The following PDGFRL variants were observed in gnomAD, a reference collection of about 807,000 sequenced individuals.
PDGFRL encodes the protein platelet derived growth factor receptor like.
Under a neutral mutation model 37.2 loss-of-function variants are expected in PDGFRL, and 46 were observed. The observed-to-expected ratio is 1.24, with a 90% confidence interval of 0.98 to 1.58. PDGFRL has a LOEUF of 1.58. Ranked by LOEUF, PDGFRL falls within the 40% of genes most tolerant of loss-of-function variation. The pLI, the probability that PDGFRL is intolerant of heterozygous loss-of-function variation, is 0.00. For missense variants in PDGFRL, 692 were observed against 467.6 expected, an observed-to-expected ratio of 1.48 and a Z score of -4.43; for synonymous variants, 251 against 184.3, an observed-to-expected ratio of 1.36 and a Z score of -2.93.
At chr8:17,606,615 C>G (rs1804282989) in intron 2 of PDGFRL, among the ~76,000 whole-genome samples, 1 of 152,148 alleles carries the variant, frequency 6.6e-6, no homozygotes, top group South Asian at 2.1e-4. Context: ...TGGGTGGAGG[C>G]TGCAGGATAC....
chr8:17,576,825 G>A, upstream of PDGFRL: 1 of 396,800 alleles, frequency 2.5e-6, no homozygotes, highest in Non-Finnish European at 3.5e-6. Flanking sequence ...TTTTTACAGA[G>A]CACTCAGGTT....
chr8:17,623,545 A>G (rs116332233), intron 3 of PDGFRL, among the ~76,000 whole-genome samples: 1 of 152,124 alleles, frequency 6.6e-6, no homozygotes, highest in South Asian at 2.1e-4. Context: ...GAGGTTTTGA[A>G]CTGCAGGCTT....
chr8:17,608,580 A>T (rs1347707556), intron 2 of PDGFRL, among the ~76,000 whole-genome samples: 2 of 152,308 alleles, frequency 1.3e-5, no homozygotes, highest in Non-Finnish European at 1.5e-5. Flanking sequence ...CCTTCAGTTC[A>T]GTGTTGGTCT....
At chr8:17,576,671 A>C (rs1585291186), upstream of PDGFRL, 1 of 978,102 alleles carries the variant, frequency 1.0e-6, no homozygotes, top group Non-Finnish European at 1.2e-6. Flanking sequence ...CCGTCCTCCC[A>C]CCCCCACCAG....
At chr8:17,611,683 C>T (rs1804419986) in intron 2 of PDGFRL, among the ~76,000 whole-genome samples, 1 of 152,078 alleles carries the variant, frequency 6.6e-6, no homozygotes, top group Non-Finnish European at 1.5e-5. Context: ...AGCTGGAATA[C>T]CAGGCAGAGG....
At chr8:17,621,451 A>G (rs1166451666) in intron 3 of PDGFRL, among the ~76,000 whole-genome samples, 1 of 151,960 alleles carries the variant, frequency 6.6e-6, no homozygotes, top group African/African-American at 2.4e-5. Flanking sequence ...GAGTGATTAA[A>G]TAAGTCCTTA....
rs151238510 is a variant in PDGFRL, at chr8:17,629,310, C to T, written c.799+530C>T. Among the ~76,000 whole-genome samples the T allele has an allele frequency of 5.7e-3, 863 of 152,120 alleles. 2 individuals are homozygous for T. Among genetic ancestry groups the T allele is most frequent in the Non-Finnish European group, 8.5e-3 (579 of 67,986 alleles). On this transcript the variant is annotated intron_variant, in intron 4 of 5. Transcript: ENST00000251630. ...TTCTCCTTCCTTGTTATGACCCTGACCGAAAACCCCTCTTCTCCATTCCAG... is the reference window on the plus strand; with the variant it reads ...TTCTCCTTCCTTGTTATGACCCTGATCGAAAACCCCTCTTCTCCATTCCAG...
intron 3 of PDGFRL, among the ~76,000 whole-genome samples, chr8:17,625,924 G>A (rs999179721): frequency 6.6e-6 from 1 of 152,202 alleles, no homozygotes; most frequent in Admixed American, 6.5e-5. Flanking sequence ...GAGCCCTGGA[G>A]GTTGAAACTG....
upstream of PDGFRL, chr8:17,576,571 G>C (rs1004732240): frequency 6.4e-5 from 13 of 202,936 alleles, no homozygotes; most frequent in African/African-American, 3.1e-4. Flanking sequence ...CCTAGCCCGT[G>C]CTTACCCTAA....
intron 2 of PDGFRL, among the ~76,000 whole-genome samples, chr8:17,605,722 C>G (rs541414232): frequency 6.6e-6 from 1 of 152,202 alleles, no homozygotes; most frequent in Non-Finnish European, 1.5e-5. Context: ...GTAATAAGCC[C>G]TGGTCCTGCT....
intron 1 of PDGFRL, among the ~76,000 whole-genome samples, chr8:17,583,037 G>A (rs1268620752): frequency 6.6e-6 from 1 of 152,140 alleles, no homozygotes; most frequent in Admixed American, 6.5e-5. Flanking sequence ...AGAACAGAGA[G>A]GTTGCTCCAG....
chr8:17,594,204 CTTTG>C (rs961719685), intron 2 of PDGFRL, among the ~76,000 whole-genome samples: 2 of 151,978 alleles, frequency 1.3e-5, no homozygotes, highest in Non-Finnish European at 2.9e-5. Context: ...GTGGTTTCCT[CTTTG>C]TTTAAGGCTG....
Position 17,634,131 on chromosome 8 carries a change from G to T in PDGFRL, c.857G>T (p.Gly286Val). ...GCTTCTTCAAACAAAGTGAAAAGTGGGGACGACATCAGTGTGCTCTGCACT... is the reference window on the plus strand; with the variant it reads ...GCTTCTTCAAACAAAGTGAAAAGTGTGGACGACATCAGTGTGCTCTGCACT... ...ILASSNKVKS[G>V]DDISVLCTVL... Residue 286 changes from glycine to valine, a missense_variant, in exon 5 of 6, where the codon GGG becomes GTG. Transcript: ENST00000251630. 1 of 1,613,502 alleles carries T rather than the reference G, an allele frequency of 6.2e-7. No individual in the cohort carries two copies. Among genetic ancestry groups the T allele is most frequent in the Non-Finnish European group, 8.5e-7 (1 of 1,179,452 alleles).
intron 2 of PDGFRL, among the ~76,000 whole-genome samples, chr8:17,597,433 G>A (rs2920770): frequency 0.14 from 21,955 of 152,132 alleles, 4,245 homozygotes; most frequent in African/African-American, 0.43. Context: ...AAATGTTCTT[G>A]ACACTCACCT....
intron 5 of PDGFRL, among the ~76,000 whole-genome samples, chr8:17,637,382 A>C (rs1804993943): frequency 6.6e-6 from 1 of 152,106 alleles, no homozygotes; most frequent in African/African-American, 2.4e-5. Context: ...GTATCCCATT[A>C]ATGTCTTGTG....
intron 2 of PDGFRL, among the ~76,000 whole-genome samples, chr8:17,617,702 C>A (rs185646140): frequency 1.2e-4 from 18 of 152,298 alleles, no homozygotes; most frequent in African/African-American, 4.3e-4. Context: ...CAGTGCGTTT[C>A]CTTCCTTCCG....
intron 4 of PDGFRL, among the ~76,000 whole-genome samples, chr8:17,631,385 T>G (rs2129814993): frequency 6.6e-6 from 1 of 152,246 alleles, no homozygotes; most frequent in Middle Eastern, 3.4e-3. Context: ...GGGGGATCAG[T>G]AGCCCCGAGA....
At chr8:17,635,079 G>A (rs75043731) in intron 5 of PDGFRL, among the ~76,000 whole-genome samples, 3,978 of 152,240 alleles carry the variant, frequency 0.026, 64 homozygotes, top group Non-Finnish European at 0.032. Flanking sequence ...GGGCCAACTA[G>A]AGTCTAATCT....
chr8:17,603,819 C>G (rs2245667), intron 2 of PDGFRL, among the ~76,000 whole-genome samples: 97,492 of 151,998 alleles, frequency 0.64, 31,662 homozygotes, highest in East Asian at 0.88. Context: ...CCGAAGTATG[C>G]TGTCAAGGAG....
Sources: allele counts gnomAD v4.1 joint callset (sites outside exome capture counted in the v4.1 genomes callset), GRCh38; gene constraint gnomAD v4.1.1; transcripts MANE v1.5; gene names NCBI Gene and HGNC (gene_info 2026-07-23, HGNC 2026-07-21).